TTC28: variants seen among roughly 807,000 people sequenced by gnomAD.
TTC28 encodes tetratricopeptide repeat domain 28.
In TTC28, 61 loss-of-function variants were observed where a neutral mutation model predicts 198.0. The ratio of observed to expected loss-of-function variants is 0.31; its 90% CI spans 0.25 to 0.38. The LOEUF (loss-of-function observed/expected upper bound fraction) is 0.38, where lower values mean the gene tolerates loss of function less well. TTC28 is among the 10% of genes least tolerant of loss of function. The pLI is 1.00. For synonymous variants in TTC28, 1,171 were observed against 1,297.8 expected, an observed-to-expected ratio of 0.90 and a Z score of 2.10; for missense variants, 2,678 against 3,164.0, an observed-to-expected ratio of 0.85 and a Z score of 3.69.
chr22:28,103,044 T>C (rs764692682), intron 8 of TTC28, among the ~76,000 whole-genome samples: 3 of 152,202 alleles, frequency 2.0e-5, no homozygotes, highest in Admixed American at 6.5e-5. Context: ...TTAGAAGCCA[T>C]GTTCTATGAA....
intron 5 of TTC28, among the ~76,000 whole-genome samples, chr22:28,191,944 G>T (rs918146163): frequency 3.3e-5 from 5 of 152,172 alleles, no homozygotes; most frequent in Non-Finnish European, 5.9e-5. Flanking sequence ...GAGAGTAGTG[G>T]TTCTCCCAGC....
At chr22:28,038,997 G>A (rs1425033318) in intron 12 of TTC28, among the ~76,000 whole-genome samples, 2 of 152,076 alleles carry the variant, frequency 1.3e-5, no homozygotes, top group African/African-American at 2.4e-5. Context: ...TTAGAATGGC[G>A]ATCATCAAAA....
intron 5 of TTC28, among the ~76,000 whole-genome samples, chr22:28,196,624 T>C (rs1370983190): frequency 6.6e-6 from 1 of 151,732 alleles, no homozygotes; most frequent in Non-Finnish European, 1.5e-5. Flanking sequence ...AAAAAGTGAG[T>C]GAAGGATATA....
chr22:28,083,744 G>C (rs1569128209), intron 12 of TTC28, among the ~76,000 whole-genome samples: 1 of 152,232 alleles, frequency 6.6e-6, no homozygotes, highest in Non-Finnish European at 1.5e-5. Flanking sequence ...CAAGGGGTCA[G>C]GGAATTCCCT....
chr22:27,992,733 G>A (rs1937460285), intron 18 of TTC28, 70 bp from the exon 19 acceptor site: 3 of 1,450,526 alleles, frequency 2.1e-6, no homozygotes, highest in Non-Finnish European at 2.8e-6. Flanking sequence ...CACCTTCCCA[G>A]GGGAAAGAAC....
intron 5 of TTC28, among the ~76,000 whole-genome samples, chr22:28,221,435 G>A (rs1248745835): frequency 1.3e-5 from 2 of 152,204 alleles, no homozygotes; most frequent in Admixed American, 1.3e-4. Flanking sequence ...GATTGACTAG[G>A]TGAAGCTGAA....
At chr22:28,600,531 T>G (rs1436350630) in intron 2 of TTC28, among the ~76,000 whole-genome samples, 1 of 152,212 alleles carries the variant, frequency 6.6e-6, no homozygotes, top group East Asian at 1.9e-4. Flanking sequence ...ACACTTAACA[T>G]TCTTTCCAAT....
intron 6 of TTC28, among the ~76,000 whole-genome samples, chr22:28,144,878 A>G (rs1392683823): frequency 6.6e-6 from 1 of 152,224 alleles, no homozygotes; most frequent in Non-Finnish European, 1.5e-5. Flanking sequence ...AGGTGCAGAA[A>G]AGCACTGGTT....
intron 6 of TTC28, among the ~76,000 whole-genome samples, chr22:28,132,198 T>C (rs907752938): frequency 9.9e-5 from 15 of 152,226 alleles, no homozygotes; most frequent in African/African-American, 3.1e-4. Context: ...TTGCTATAGA[T>C]ACATATACTT....
At chr22:28,514,560 C>T (rs1200972340) in intron 2 of TTC28, among the ~76,000 whole-genome samples, 1 of 152,202 alleles carries the variant, frequency 6.6e-6, no homozygotes, top group Non-Finnish European at 1.5e-5. Flanking sequence ...GAAGAGAAAA[C>T]CTTACACGGA....
intron 5 of TTC28, among the ~76,000 whole-genome samples, chr22:28,247,728 G>T (rs1010797579): frequency 6.6e-6 from 1 of 152,154 alleles, no homozygotes; most frequent in Non-Finnish European, 1.5e-5. Flanking sequence ...GCAGAGAAAG[G>T]CCTTGTCAAC....
At chr22:28,043,018 G>A (rs940070662) in intron 12 of TTC28, among the ~76,000 whole-genome samples, 3 of 152,054 alleles carry the variant, frequency 2.0e-5, no homozygotes, top group African/African-American at 7.2e-5. Flanking sequence ...GGCCAAGGCA[G>A]GTGGATCACG....
chr22:28,627,168 T>C (rs931641197), intron 2 of TTC28, among the ~76,000 whole-genome samples: 3 of 152,128 alleles, frequency 2.0e-5, no homozygotes, highest in Non-Finnish European at 2.9e-5. Flanking sequence ...AATCTACTAA[T>C]TCAAACCTTC....
At chr22:28,409,139 A>T (rs904169173) in intron 2 of TTC28, among the ~76,000 whole-genome samples, 1 of 152,206 alleles carries the variant, frequency 6.6e-6, no homozygotes, top group Non-Finnish European at 1.5e-5. Context: ...AATTAGTGAT[A>T]ATCATGAGAA....
At chr22:28,509,277 A>T (rs144408383) in intron 2 of TTC28, among the ~76,000 whole-genome samples, 1 of 152,264 alleles carries the variant, frequency 6.6e-6, no homozygotes, top group African/African-American at 2.4e-5. Flanking sequence ...TCTAAAATTG[A>T]TCACATAATT....
At chr22:28,580,376 T>C (rs1199479976) in intron 2 of TTC28, among the ~76,000 whole-genome samples, 2 of 152,162 alleles carry the variant, frequency 1.3e-5, no homozygotes, top group Non-Finnish European at 2.9e-5. Context: ...ATCTGTCTGC[T>C]TAGAACTAAT....
chr22:28,478,308 G>C (rs1376904264), intron 2 of TTC28, among the ~76,000 whole-genome samples: 1 of 152,134 alleles, frequency 6.6e-6, no homozygotes, highest in Non-Finnish European at 1.5e-5. Context: ...AGGTGATCAA[G>C]ACCAGCCTGG....
chr22:28,085,306 T>G (rs879039489), intron 12 of TTC28, among the ~76,000 whole-genome samples: 1 of 152,116 alleles, frequency 6.6e-6, no homozygotes, highest in Non-Finnish European at 1.5e-5. Flanking sequence ...GACTAACAGC[T>G]GATCTCTCAG....
At chr22:28,591,475 T>A (rs753763308) in intron 2 of TTC28, among the ~76,000 whole-genome samples, 13 of 152,162 alleles carry the variant, frequency 8.5e-5, no homozygotes, top group Non-Finnish European at 1.6e-4. Flanking sequence ...TTTGTAAATA[T>A]GGTAACTGAA....
Sources: gnomAD v4.1 joint callset for allele counts (sites outside exome capture counted in the v4.1 genomes callset) on GRCh38, gnomAD v4.1.1 for gene constraint, MANE v1.5 for transcripts, NCBI Gene and HGNC (gene_info 2026-07-23, HGNC 2026-07-21) for gene names.